The following NUDCD3 variants were observed in gnomAD, a reference collection of about 807,000 sequenced individuals.
NUDCD3 encodes nudC domain-containing protein 3.
A neutral mutation model predicts 39.7 loss-of-function variants in NUDCD3; 13 were observed. The ratio of observed to expected loss-of-function variants is 0.33; its 90% CI spans 0.21 to 0.52. NUDCD3 has a LOEUF of 0.52. Among genes scored for constraint, NUDCD3 ranks in the 20% least tolerant of loss-of-function variants. The probability of loss-of-function intolerance (pLI) is 0.96; values close to 1 mark genes in which losing one functional copy is unlikely to be tolerated. For synonymous variants in NUDCD3, 175 were observed against 172.4 expected, an observed-to-expected ratio of 1.02 and a Z score of -0.12; for missense variants, 453 against 458.1, an observed-to-expected ratio of 0.99 and a Z score of 0.10.
intron 3 of NUDCD3, among the ~76,000 whole-genome samples, chr7:44,419,449 C>A (rs1585066496): frequency 6.6e-6 from 1 of 152,218 alleles, no homozygotes; most frequent in African/African-American, 2.4e-5. Context: ...TTGAAGAGAG[C>A]AACAGATCCT....
intron 1 of NUDCD3, among the ~76,000 whole-genome samples, chr7:44,487,006 T>A (rs1427998794): frequency 6.6e-6 from 1 of 152,148 alleles, no homozygotes; most frequent in Non-Finnish European, 1.5e-5. Context: ...TTCTCAACAA[T>A]TTATGTAAGG....
chr7:44,487,184 A>G (rs1800628572), intron 1 of NUDCD3, among the ~76,000 whole-genome samples: 1 of 152,204 alleles, frequency 6.6e-6, no homozygotes, highest in Admixed American at 6.5e-5. Context: ...ATGGAATGCA[A>G]TTTTCACATA....
At chr7:44,435,847 G>A (rs1325282966) in intron 2 of NUDCD3, among the ~76,000 whole-genome samples, 2 of 152,132 alleles carry the variant, frequency 1.3e-5, no homozygotes, top group African/African-American at 4.8e-5. Context: ...CCCCAACACA[G>A]GACCTCGAAT....
chr7:44,437,069 CTTTTT>C (rs35904938), intron 2 of NUDCD3, among the ~76,000 whole-genome samples: 1 of 117,290 alleles, frequency 8.5e-6, no homozygotes, highest in East Asian at 2.3e-4. Flanking sequence ...CTTTTCTTTT[CTTTTT>C]TTTTTTTTTT....
At chr7:44,399,054 G>C (rs955883984) in intron 4 of NUDCD3, among the ~76,000 whole-genome samples, 5 of 152,230 alleles carry the variant, frequency 3.3e-5, no homozygotes, top group African/African-American at 7.2e-5. Context: ...AGTGTGGCTG[G>C]AAGGCCCATG....
chr7:44,402,625 C>T (rs1798747069), intron 4 of NUDCD3: 2 of 456,420 alleles, frequency 4.4e-6, no homozygotes, highest in Non-Finnish European at 8.8e-6. Flanking sequence ...AACCGGACCA[C>T]ACACGGGGTT....
At chr7:44,393,133 G>C (rs1182123029) in intron 4 of NUDCD3, among the ~76,000 whole-genome samples, 1 of 152,108 alleles carries the variant, frequency 6.6e-6, no homozygotes, top group African/African-American at 2.4e-5. Flanking sequence ...TGCTGCATGA[G>C]GGGGTCCTCC....
chr7:44,438,440 G>C (rs1799506769), intron 2 of NUDCD3, among the ~76,000 whole-genome samples: 1 of 152,104 alleles, frequency 6.6e-6, no homozygotes, highest in Admixed American at 6.5e-5. Context: ...TTCAGAAGTA[G>C]AGAAAACTTG....
At chr7:44,390,039 C>T (rs1449180067) in intron 5 of NUDCD3, among the ~76,000 whole-genome samples, 1 of 152,154 alleles carries the variant, frequency 6.6e-6, no homozygotes, top group Admixed American at 6.5e-5. Flanking sequence ...GCCAGAGCAT[C>T]CTAGCTTCTC....
rs767754442 is a variant in NUDCD3, at chr7:44,412,926, C to CAAAAAAAA, written c.643-8351_643-8344dup. Among the ~76,000 whole-genome samples, 20 of 43,878 alleles carry CAAAAAAAA rather than the reference C, an allele frequency of 4.6e-4. 1 individual carries two copies. The highest frequency in any genetic ancestry group is 7.9e-4 in the African/African-American group (10 of 12,580). The allele number at this position is 43,878 out of a possible 152,430, so 28.8% of individuals were successfully genotyped here. On this transcript the variant is annotated intron_variant, in intron 3 of 5. Transcript: ENST00000355451. ...TGGGCGACAGAGCGAGACGCCGTCT[C>CAAAAAAAA]AAAAAAAAAAAAAAAAGAAAAAAAA...
Position 44,464,388 on chromosome 7 carries a change from A to G in NUDCD3, c.509+20580T>C, listed in dbSNP as rs142427134. Among the ~76,000 whole-genome samples, 369 of 152,298 alleles carry G rather than the reference A, an allele frequency of 2.4e-3. 4 individuals carry two copies. Among genetic ancestry groups the G allele is most frequent in the African/African-American group, 8.3e-3 (343 of 41,554 alleles). On this transcript the variant is annotated intron_variant, in intron 2 of 5. Transcript: ENST00000355451. ...TTCATTTCACGGCCTCTGGGTTAGA[A>G]CACAATATAGCACAGACAAATCATA...
chr7:44,433,234 T>C (rs1284129166), intron 2 of NUDCD3, among the ~76,000 whole-genome samples: 1 of 152,192 alleles, frequency 6.6e-6, no homozygotes, highest in Admixed American at 6.5e-5. Flanking sequence ...GCTATTTTGT[T>C]ATAGTAGCCC....
At chr7:44,434,959 T>C (rs1799437607) in intron 2 of NUDCD3, among the ~76,000 whole-genome samples, 1 of 152,234 alleles carries the variant, frequency 6.6e-6, no homozygotes, top group Admixed American at 6.5e-5. Context: ...TCTCACTCAC[T>C]GCTTTCCCTT....
intron 2 of NUDCD3, among the ~76,000 whole-genome samples, chr7:44,472,553 G>A (rs954576514): frequency 4.6e-5 from 7 of 152,178 alleles, no homozygotes; most frequent in South Asian, 4.1e-4. Context: ...ATTAATTTAC[G>A]GGAATATTTG....
intron 3 of NUDCD3, among the ~76,000 whole-genome samples, chr7:44,405,242 T>G (rs1310171045): frequency 6.6e-6 from 1 of 152,246 alleles, no homozygotes; most frequent in Non-Finnish European, 1.5e-5. Context: ...TCTAAAAGCC[T>G]CAGCTCACCC....
chr7:44,423,103 A>G (rs933335314), intron 3 of NUDCD3, among the ~76,000 whole-genome samples: 4 of 152,202 alleles, frequency 2.6e-5, no homozygotes, highest in Middle Eastern at 3.2e-3. Context: ...CCTTCATGCT[A>G]AAAACTCTCA....
chr7:44,421,150 G>GGT lies in NUDCD3; in HGVS notation c.642+6419_642+6420dup, dbSNP rs1270550673. Among the ~76,000 whole-genome samples the GGT allele has an allele frequency of 3.9e-5, 6 of 152,038 alleles. No homozygotes were observed. In the East Asian group the frequency reaches 7.7e-4, roughly 20 times the overall value. On this transcript the variant is annotated intron_variant, in intron 3 of 5. Transcript: ENST00000355451. The stretch of plus-strand genomic sequence containing the variant: ...AGTTCGAGACCAGTCTGGCCAATAT[G>GGT]GTGAAGACAGGGGTCTCTACTAAAA...
In NUDCD3 at chr7:44,490,651, T is replaced by C. The variant is rs1163199147; in HGVS notation, c.-51A>G. 4 of 1,516,196 alleles carry C rather than the reference T, an allele frequency of 2.6e-6. No homozygotes were observed. The African/African-American group carries it at 4.2e-5, about 16-fold the overall frequency. The allele number at this position is 1,516,196 out of a possible 1,614,324, so 93.9% of individuals were successfully genotyped here. On this transcript the variant is annotated 5_prime_UTR_variant, in exon 1 of 6. Transcript: ENST00000355451. ...CACACACACAGCGCCGCCTCAGACC[T>C]GCCGACTGGCCACTTCCGGCGTCCG...
intron 4 of NUDCD3, among the ~76,000 whole-genome samples, chr7:44,403,114 A>C (rs1390260710): frequency 6.6e-6 from 1 of 152,252 alleles, no homozygotes; most frequent in Non-Finnish European, 1.5e-5. Context: ...CAGTATTTGC[A>C]GGCAGGAGAA....
Sources: allele counts gnomAD v4.1 joint callset (sites outside exome capture counted in the v4.1 genomes callset), GRCh38; gene constraint gnomAD v4.1.1; transcripts MANE v1.5; gene names NCBI Gene and HGNC (gene_info 2026-07-23, HGNC 2026-07-21).